Variants in BACH2 observed in about 807,000 individuals in gnomAD.
The protein encoded by BACH2 is BACH transcriptional regulator 2.
In BACH2, 5 loss-of-function variants were observed where a neutral mutation model predicts 61.8. That is an observed-to-expected ratio of 0.08 (90% CI 0.04 to 0.17). The LOEUF (loss-of-function observed/expected upper bound fraction) is 0.17, where lower values mean the gene tolerates loss of function less well. Ranked by LOEUF, BACH2 falls within the 10% of genes least tolerant of loss-of-function variation. The pLI, the probability that BACH2 is intolerant of heterozygous loss-of-function variation, is 1.00. For synonymous variants in BACH2, 446 were observed against 440.1 expected (o/e 1.01, Z -0.17); for missense variants, 824 against 1,091.1 (o/e 0.76, Z 3.45).
intron 4 of BACH2, among the ~76,000 whole-genome samples, chr6:90,179,267 A>G (rs1187631838): frequency 2.0e-5 from 3 of 152,236 alleles, no homozygotes; most frequent in Non-Finnish European, 2.9e-5. Context: ...TCCATCTGTC[A>G]TAATGAAGAT....
At chr6:90,263,670 C>A (rs2127877018) in intron 2 of BACH2, among the ~76,000 whole-genome samples, 1 of 152,280 alleles carries the variant, frequency 6.6e-6, no homozygotes, top group East Asian at 1.9e-4. Flanking sequence ...TCTGTGATGA[C>A]ATCAAGCTTA....
At chr6:90,214,174 C>T (rs1161360589) in intron 3 of BACH2, among the ~76,000 whole-genome samples, 1 of 152,182 alleles carries the variant, frequency 6.6e-6, no homozygotes, top group Non-Finnish European at 1.5e-5. Context: ...AAAGGGAGTA[C>T]ACAGTGGCTA....
chr6:90,140,177 C>T (rs1784416724), intron 4 of BACH2, among the ~76,000 whole-genome samples: 2 of 152,194 alleles, frequency 1.3e-5, no homozygotes. Context: ...CTTCCTAGAA[C>T]TCTGACGCAC....
intron 4 of BACH2, among the ~76,000 whole-genome samples, chr6:90,187,479 G>C (rs181086695): frequency 6.6e-6 from 1 of 152,198 alleles, no homozygotes; most frequent in Non-Finnish European, 1.5e-5. Context: ...GAAGCAGGGC[G>C]AGCCAGCTGA....
chr6:90,077,285 G>A (rs1475102233), intron 5 of BACH2, among the ~76,000 whole-genome samples: 4 of 152,106 alleles, frequency 2.6e-5, no homozygotes, highest in South Asian at 2.1e-4. Context: ...CAAGAGGGAC[G>A]GCGAAGATAA....
chr6:90,259,634 TAAG>T (rs1014301792), intron 2 of BACH2, among the ~76,000 whole-genome samples: 2 of 152,206 alleles, frequency 1.3e-5, no homozygotes, highest in Non-Finnish European at 2.9e-5. Flanking sequence ...TGGAAGAGTT[TAAG>T]AAGTACTGGT....
At chr6:89,985,121 A>ACT (rs761527359) in intron 6 of BACH2, among the ~76,000 whole-genome samples, 1 of 152,182 alleles carries the variant, frequency 6.6e-6, no homozygotes, top group Non-Finnish European at 1.5e-5. Context: ...ACTAACAGGT[A>ACT]GCAAAGTGTT....
At chr6:90,007,040 T>C (rs1021066854) in intron 6 of BACH2, among the ~76,000 whole-genome samples, 5 of 152,036 alleles carry the variant, frequency 3.3e-5, no homozygotes, top group African/African-American at 1.2e-4. Flanking sequence ...GTCTATCAAA[T>C]AGACAAACAC....
chr6:89,973,819 AT>A (rs1232724807), intron 6 of BACH2, among the ~76,000 whole-genome samples: 2 of 152,132 alleles, frequency 1.3e-5, no homozygotes, highest in African/African-American at 2.4e-5. Context: ...GCAGGCATTA[AT>A]GTCTTCATGT....
chr6:90,265,083 G>GCTCC (rs1771280547), intron 2 of BACH2, among the ~76,000 whole-genome samples: 1 of 152,166 alleles, frequency 6.6e-6, no homozygotes, highest in Admixed American at 6.5e-5. Flanking sequence ...CTCAAGGCAT[G>GCTCC]CTCCATTTCA....
intron 4 of BACH2, among the ~76,000 whole-genome samples, chr6:90,204,625 G>C (rs1467487534): frequency 6.6e-6 from 1 of 152,206 alleles, no homozygotes; most frequent in African/African-American, 2.4e-5. Flanking sequence ...CATGACATTA[G>C]ATGTTGGGTT....
In BACH2 at chr6:89,955,955, G is replaced by A. The variant is rs572187982; in HGVS notation, c.244-4093C>T. 5.3e-5 allele frequency among the ~76,000 whole-genome samples: 8 copies of A among 152,268 alleles called. No homozygotes were observed. The East Asian group carries it at 1.4e-3, about 26-fold the overall frequency. On this transcript the variant is annotated intron_variant, in intron 6 of 8. Coordinates refer to ENST00000257749, the MANE Select transcript of BACH2 (RefSeq NM_021813.4). Reference sequence around the variant, plus strand: ...TATTTTAAAAAGTAATGATCATAAAGTTAAAATGGAATGAAGTGGCTATAA... The same window carrying A: ...TATTTTAAAAAGTAATGATCATAAAATTAAAATGGAATGAAGTGGCTATAA...
At chr6:90,139,693 G>C (rs1409563396) in intron 4 of BACH2, among the ~76,000 whole-genome samples, 1 of 152,222 alleles carries the variant, frequency 6.6e-6, no homozygotes, top group East Asian at 1.9e-4. Context: ...GTGTAACAGT[G>C]TTCGGATGTG....
intron 5 of BACH2, among the ~76,000 whole-genome samples, chr6:90,024,141 C>CTATA (rs56100309): frequency 6.6e-6 from 1 of 150,538 alleles, no homozygotes; most frequent in African/African-American, 2.4e-5. Flanking sequence ...TCTACATCTA[C>CTATA]TATATATATA....
At chr6:90,051,440 G>A (rs1780042145) in intron 5 of BACH2, among the ~76,000 whole-genome samples, 1 of 152,154 alleles carries the variant, frequency 6.6e-6, no homozygotes, top group Admixed American at 6.5e-5. Context: ...TAGGAACAGA[G>A]CTCTATCCAC....
chr6:90,294,966 A>T (rs538330846), intron 1 of BACH2, among the ~76,000 whole-genome samples: 2 of 152,270 alleles, frequency 1.3e-5, no homozygotes, highest in African/African-American at 4.8e-5. Context: ...ACTAGGCAGG[A>T]AAGGATTTTT....
At chr6:90,011,448 G>A (rs1273299174) in intron 5 of BACH2, among the ~76,000 whole-genome samples, 1 of 151,436 alleles carries the variant, frequency 6.6e-6, no homozygotes, top group Non-Finnish European at 1.5e-5. Context: ...TTGCTTATTT[G>A]TACTTTTACT....
chr6:90,103,027 ATATTTTTTT>A lies in BACH2; in HGVS notation c.-161-13927_-161-13919del, dbSNP rs1310379276. Among the ~76,000 whole-genome samples, 3 of 24,476 alleles carry A rather than the reference ATATTTTTTT, an allele frequency of 1.2e-4. 1 individual carries two copies. Among genetic ancestry groups the A allele is most frequent in the African/African-American group, 6.9e-4 (3 of 4,338 alleles). 16.1% of individuals were successfully genotyped at this position (24,476 alleles called of 152,430 possible). On this transcript the variant is annotated intron_variant, in intron 4 of 8. Coordinates refer to ENST00000257749, the MANE Select transcript of BACH2 (RefSeq NM_021813.4). Reference sequence around the variant, plus strand: ...AATACATATATATATATATATATATATATTTTTTTTTTTTTTTTTTTTTTACCAGACTAT... The same window carrying A: ...AATACATATATATATATATATATATATTTTTTTTTTTTTTTACCAGACTAT...
At chr6:90,162,134 C>T (rs1166775306) in intron 4 of BACH2, among the ~76,000 whole-genome samples, 1 of 152,096 alleles carries the variant, frequency 6.6e-6, no homozygotes, top group African/African-American at 2.4e-5. Context: ...CCAATAGGAT[C>T]AAACTTCTTA....
Sources: allele counts gnomAD v4.1 joint callset (sites outside exome capture counted in the v4.1 genomes callset), GRCh38; gene constraint gnomAD v4.1.1; transcripts MANE v1.5; gene names NCBI Gene and HGNC (gene_info 2026-07-23, HGNC 2026-07-21).